The following ACTR3B variants were observed in gnomAD, a reference collection of about 807,000 sequenced individuals.
ACTR3B encodes the protein actin-related protein 3B.
A neutral mutation model predicts 59.0 loss-of-function variants in ACTR3B; 8 were observed. The ratio of observed to expected loss-of-function variants is 0.14; its 90% confidence interval spans 0.08 to 0.24. The LOEUF is 0.24. Among genes scored for constraint, ACTR3B ranks in the 10% least tolerant of loss-of-function variants. The pLI is 1.00. For missense variants in ACTR3B, 245 were observed against 552.3 expected, an observed-to-expected ratio of 0.44 and a Z score of 5.58; for synonymous variants, 148 against 197.9, an observed-to-expected ratio of 0.75 and a Z score of 2.12.
intron 9 of ACTR3B, among the ~76,000 whole-genome samples, chr7:152,826,039 G>A (rs573005538): frequency 1.1e-4 from 17 of 152,182 alleles, no homozygotes; most frequent in Admixed American, 2.0e-4. Flanking sequence ...GAGTCGCGCC[G>A]TCAGCTCAGT....
intron 9 of ACTR3B, among the ~76,000 whole-genome samples, chr7:152,831,666 G>A (rs372878979): frequency 1.9e-4 from 29 of 152,366 alleles, no homozygotes; most frequent in African/African-American, 7.0e-4. Context: ...TGCAGCATGG[G>A]AGGGGAAGGG....
At chr7:152,763,079 G>A (rs2098095028) in intron 1 of ACTR3B, among the ~76,000 whole-genome samples, 1 of 152,070 alleles carries the variant, frequency 6.6e-6, no homozygotes, top group South Asian at 2.1e-4. Flanking sequence ...ACTTTGGGAG[G>A]CCGAGGCGGG....
At chr7:152,778,095 C>T (rs921077986) in intron 1 of ACTR3B, among the ~76,000 whole-genome samples, 3 of 151,624 alleles carry the variant, frequency 2.0e-5, no homozygotes, top group African/African-American at 4.8e-5. Flanking sequence ...TGGCTTAATT[C>T]TGGCTTCAAT....
At chr7:152,769,908 A>G (rs535624829) in intron 1 of ACTR3B, among the ~76,000 whole-genome samples, 2 of 151,738 alleles carry the variant, frequency 1.3e-5, no homozygotes, top group Admixed American at 1.3e-4. Context: ...AATTAAAAAA[A>G]TTATTAGTAG....
chr7:152,852,818 GTC>G (rs1193546624), intron 10 of ACTR3B, among the ~76,000 whole-genome samples: 2 of 151,954 alleles, frequency 1.3e-5, no homozygotes, highest in African/African-American at 4.8e-5. Flanking sequence ...TTGAGACAGA[GTC>G]TCTCTCTGTC....
At chr7:152,849,625 A>G (rs927021872) in intron 9 of ACTR3B, among the ~76,000 whole-genome samples, 5 of 152,256 alleles carry the variant, frequency 3.3e-5, no homozygotes. Context: ...TGACAAGCTA[A>G]TAAAAAGGTC....
chr7:152,853,585 C>T lies in ACTR3B; in HGVS notation c.1161+8C>T. ...TCCATGCTGGCCTCGACTGTAAGTC[C>T]CTCTCTCGAGGGCTCTGTGTCTCCA... On this transcript the variant is annotated splice_region_variant and intron_variant, in intron 11 of 11. Transcript: ENST00000256001. 1.2e-6 allele frequency: 2 copies of T among 1,611,718 alleles called. No homozygotes were observed. Among genetic ancestry groups the T allele is most frequent in the African/African-American group, 1.3e-5 (1 of 74,932 alleles).
intron 6 of ACTR3B, among the ~76,000 whole-genome samples, chr7:152,819,239 G>A (rs1190858843): frequency 6.6e-6 from 1 of 152,194 alleles, no homozygotes; most frequent in Non-Finnish European, 1.5e-5. Context: ...ACCATAGGAG[G>A]AATTCAGTAA....
At chr7:152,845,409 G>A (rs1798191350) in intron 9 of ACTR3B, among the ~76,000 whole-genome samples, 2 of 152,110 alleles carry the variant, frequency 1.3e-5, no homozygotes. Flanking sequence ...TTGTCTTCAG[G>A]TTTTATTTGT....
At chr7:152,799,987 A>C (rs1472089989) in intron 2 of ACTR3B, among the ~76,000 whole-genome samples, 1 of 152,220 alleles carries the variant, frequency 6.6e-6, no homozygotes. Flanking sequence ...TGATTATGGT[A>C]CTTTTTTTGG....
In ACTR3B at chr7:152,851,508, C is replaced by T. The variant is rs187361268; in HGVS notation, c.952-618C>T. 3.0e-3 allele frequency among the ~76,000 whole-genome samples: 460 copies of T among 152,292 alleles called. 2 individuals carry two copies. Among genetic ancestry groups the T allele is most frequent in the African/African-American group, 0.01 (427 of 41,574 alleles). Reference sequence around the variant, plus strand: ...TGACAGGTGGGCAGGGTTGACAACGCGGAGATGCTGGACAGAGGGCTGGTT... The same window carrying T: ...TGACAGGTGGGCAGGGTTGACAACGTGGAGATGCTGGACAGAGGGCTGGTT... On this transcript the variant is annotated intron_variant, in intron 9 of 11. Coordinates refer to ENST00000256001, the MANE Select transcript of ACTR3B (RefSeq NM_020445.6).
intron 6 of ACTR3B, among the ~76,000 whole-genome samples, chr7:152,818,680 C>T (rs1229521887): frequency 1.3e-5 from 2 of 152,234 alleles, no homozygotes; most frequent in Non-Finnish European, 2.9e-5. Flanking sequence ...AACTGCCGAC[C>T]TCAGGTGATC....
intron 7 of ACTR3B, among the ~76,000 whole-genome samples, chr7:152,822,508 G>A (rs574917655): frequency 1.3e-5 from 2 of 152,038 alleles, no homozygotes; most frequent in African/African-American, 2.4e-5. Context: ...GACTTCTCTC[G>A]CAGCAGCAGC....
intron 1 of ACTR3B, among the ~76,000 whole-genome samples, chr7:152,761,254 A>G (rs2098088459): frequency 6.6e-6 from 1 of 152,084 alleles, no homozygotes; most frequent in African/African-American, 2.4e-5. Context: ...CCCTCCCTCA[A>G]TTATTGACAC....
rs184168133 is a variant in ACTR3B, at chr7:152,846,253, C to T, written c.952-5873C>T. On this transcript the variant is annotated intron_variant, in intron 9 of 11. Coordinates refer to ENST00000256001, the MANE Select transcript of ACTR3B (RefSeq NM_020445.6). ...TGAGCTCTAGTGCCCGGGCTGTAGT[C>T]TGTAGTGAGCCCCAGCGCCCGGGCT... 3.7e-3 allele frequency among the ~76,000 whole-genome samples: 487 copies of T among 131,876 alleles called. 3 individuals carry two copies. Among genetic ancestry groups the T allele is most frequent in the Admixed American group, 8.2e-3 (103 of 12,574 alleles). 86.5% of individuals were successfully genotyped at this position (131,876 alleles called of 152,430 possible). A position where few individuals can be genotyped will look rare whatever the true frequency, so the allele number is the denominator to read the frequency against.
chr7:152,812,814 G>A (rs891031627), intron 4 of ACTR3B: 7 of 133,400 alleles, frequency 5.2e-5, no homozygotes, highest in South Asian at 5.2e-4. Context: ...TTTCCCTGTC[G>A]TAGGGGTGTA....
At chr7:152,787,985 C>T (rs866466950) in intron 2 of ACTR3B, among the ~76,000 whole-genome samples, 6 of 151,894 alleles carry the variant, frequency 4.0e-5, no homozygotes, top group African/African-American at 1.5e-4. Flanking sequence ...AGTGCAATGG[C>T]GTGATCTTGG....
intron 2 of ACTR3B, among the ~76,000 whole-genome samples, chr7:152,799,620 A>G (rs2098228262): frequency 6.6e-6 from 1 of 152,244 alleles, no homozygotes; most frequent in Non-Finnish European, 1.5e-5. Flanking sequence ...ATCTTAAACA[A>G]TTGTAATTCA....
Position 152,823,188 on chromosome 7 carries a change from A to G in ACTR3B, c.685-154A>G, listed in dbSNP as rs1383949848. On this transcript the variant is annotated intron_variant, in intron 7 of 11. Transcript: ENST00000256001. ...CCATGTCTAACATGAAAGACGATGGAATGTGAGGCTTGATGCATATCCACA... is the reference window on the plus strand; with the variant it reads ...CCATGTCTAACATGAAAGACGATGGGATGTGAGGCTTGATGCATATCCACA... Among the ~76,000 whole-genome samples, 3 of 152,128 alleles carry G rather than the reference A, an allele frequency of 2.0e-5. No homozygotes were observed. The South Asian group carries it at 6.2e-4, about 32-fold the overall frequency.
Sources: gnomAD v4.1 joint callset for allele counts (sites outside exome capture counted in the v4.1 genomes callset) on GRCh38, gnomAD v4.1.1 for gene constraint, MANE v1.5 for transcripts, NCBI Gene and HGNC (gene_info 2026-07-23, HGNC 2026-07-21) for gene names.